CADM2: variants seen among roughly 807,000 people sequenced by gnomAD.
The protein encoded by CADM2 is cell adhesion molecule 2, also known as immunoglobulin superfamily member 4D.
Under a neutral mutation model 49.8 loss-of-function variants are expected in CADM2, and 12 were observed. That is an observed-to-expected ratio of 0.24 (90% confidence interval 0.15 to 0.39). The LOEUF (loss-of-function observed/expected upper bound fraction) is 0.39. CADM2 is among the 10% of genes least tolerant of loss of function. The pLI is 1.00. For missense variants in CADM2, 378 were observed against 492.3 expected, an observed-to-expected ratio of 0.77 and a Z score of 2.20; for synonymous variants, 214 against 175.4, an observed-to-expected ratio of 1.22 and a Z score of -1.74.
chr3:85,085,779 T>C (rs1000993336), intron 1 of CADM2, among the ~76,000 whole-genome samples: 41 of 152,180 alleles, frequency 2.7e-4, no homozygotes, highest in African/African-American at 9.6e-4. Flanking sequence ...ACCCCATCCA[T>C]GTTAAATGAA....
At chr3:85,850,686 T>C (rs955173854) in intron 3 of CADM2, among the ~76,000 whole-genome samples, 5 of 152,174 alleles carry the variant, frequency 3.3e-5, no homozygotes, top group Non-Finnish European at 5.9e-5. Flanking sequence ...CTGTACTCTA[T>C]GCCTGTGTGT....
chr3:85,602,345 C>T (rs1477129951), intron 1 of CADM2, among the ~76,000 whole-genome samples: 1 of 151,762 alleles, frequency 6.6e-6, no homozygotes, highest in Non-Finnish European at 1.5e-5. Context: ...CTAGCTTTTA[C>T]TCAATGGAGT....
intron 1 of CADM2, among the ~76,000 whole-genome samples, chr3:85,054,684 TTGG>T (rs2107419198): frequency 6.6e-6 from 1 of 152,050 alleles, no homozygotes; most frequent in African/African-American, 2.4e-5. Flanking sequence ...TTGAATGCTT[TTGG>T]TTAGAATCCA....
intron 1 of CADM2, among the ~76,000 whole-genome samples, chr3:85,692,274 C>T (rs1016249534): frequency 6.6e-6 from 1 of 152,244 alleles, no homozygotes; most frequent in African/African-American, 2.4e-5. Context: ...AGTACCAGGA[C>T]CATGTTTTGA....
intron 1 of CADM2, among the ~76,000 whole-genome samples, chr3:84,983,039 G>A (rs1431426031): frequency 1.3e-5 from 2 of 151,796 alleles, no homozygotes; most frequent in Non-Finnish European, 2.9e-5. Flanking sequence ...GAGCCACTGC[G>A]CCCGGCCAAG....
intron 1 of CADM2, among the ~76,000 whole-genome samples, chr3:85,141,289 C>G (rs1206841936): frequency 1.3e-5 from 2 of 152,136 alleles, no homozygotes; most frequent in African/African-American, 4.8e-5. Context: ...CTGTTTATGC[C>G]TCAATTTCTT....
At chr3:85,544,784 C>T (rs1393573307) in intron 1 of CADM2, among the ~76,000 whole-genome samples, 2 of 149,874 alleles carry the variant, frequency 1.3e-5, no homozygotes, top group African/African-American at 4.9e-5. Flanking sequence ...TATCTCATGG[C>T]TAGAGCTAAA....
intron 1 of CADM2, among the ~76,000 whole-genome samples, chr3:85,159,198 C>T (rs373701355): frequency 3.3e-5 from 5 of 152,118 alleles, no homozygotes; most frequent in African/African-American, 7.2e-5. Context: ...AGAAATAGAA[C>T]GTATTATTAA....
intron 1 of CADM2, among the ~76,000 whole-genome samples, chr3:85,701,566 C>G (rs893213332): frequency 2.0e-5 from 3 of 152,124 alleles, no homozygotes; most frequent in African/African-American, 7.2e-5. Context: ...AGTGTCAAAG[C>G]CTTTGAGGAG....
intron 1 of CADM2, among the ~76,000 whole-genome samples, chr3:85,069,649 T>C (rs2036649712): frequency 6.6e-6 from 1 of 152,148 alleles, no homozygotes; most frequent in Non-Finnish European, 1.5e-5. Context: ...TATTTGTAAT[T>C]TGCCATGCAT....
intron 3 of CADM2, among the ~76,000 whole-genome samples, chr3:85,834,188 A>G (rs774500991): frequency 1.6e-4 from 24 of 151,676 alleles, no homozygotes; most frequent in Non-Finnish European, 3.0e-4. Context: ...CACTTTTTAA[A>G]AATTTGGATG....
intron 2 of CADM2, among the ~76,000 whole-genome samples, chr3:85,751,152 G>A (rs2068842582): frequency 6.6e-6 from 1 of 152,022 alleles, no homozygotes; most frequent in South Asian, 2.1e-4. Context: ...CAAAAACTGG[G>A]TAGGGGCAAT....
At chr3:85,142,010 G>A (rs2039591948) in intron 1 of CADM2, among the ~76,000 whole-genome samples, 1 of 152,088 alleles carries the variant, frequency 6.6e-6, no homozygotes, top group Non-Finnish European at 1.5e-5. Flanking sequence ...TTTCAAAACT[G>A]ACAAAAAGAA....
At chr3:85,895,354 G>A (rs968463961) in intron 5 of CADM2, among the ~76,000 whole-genome samples, 3 of 152,186 alleles carry the variant, frequency 2.0e-5, no homozygotes, top group African/African-American at 7.2e-5. Flanking sequence ...AATGCACAGG[G>A]CCTGTAGATC....
At chr3:85,784,833 A>AT (rs1457513778) in intron 2 of CADM2, among the ~76,000 whole-genome samples, 1 of 152,044 alleles carries the variant, frequency 6.6e-6, no homozygotes, top group Non-Finnish European at 1.5e-5. Flanking sequence ...CTCCTCCTTG[A>AT]TTTTTTTGAA....
intron 1 of CADM2, among the ~76,000 whole-genome samples, chr3:85,216,303 T>C (rs1405507111): frequency 6.9e-6 from 1 of 144,970 alleles, no homozygotes; most frequent in African/African-American, 2.6e-5. Flanking sequence ...AATATATTTA[T>C]ATATATTTAA....
At chr3:85,496,699 C>T (rs896994622) in intron 1 of CADM2, among the ~76,000 whole-genome samples, 4 of 152,156 alleles carry the variant, frequency 2.6e-5, no homozygotes, top group African/African-American at 9.7e-5. Context: ...GGCTTACCTG[C>T]ATTTGTTATT....
At chr3:85,653,435 G>C (rs1272260976) in intron 1 of CADM2, among the ~76,000 whole-genome samples, 1 of 150,836 alleles carries the variant, frequency 6.6e-6, no homozygotes, top group Admixed American at 6.6e-5. Flanking sequence ...TAATAGCTTG[G>C]TTGTTGTATG....
chr3:85,599,554 G>T (rs191391684), intron 1 of CADM2, among the ~76,000 whole-genome samples: 1 of 151,746 alleles, frequency 6.6e-6, no homozygotes. Flanking sequence ...CATTTTCCCT[G>T]TTCCTAATGT....
Sources: allele counts gnomAD v4.1 joint callset (sites outside exome capture counted in the v4.1 genomes callset), GRCh38; gene constraint gnomAD v4.1.1; transcripts MANE v1.5; gene names NCBI Gene and HGNC (gene_info 2026-07-23, HGNC 2026-07-21).